Variants in ZNF487 observed in about 807,000 individuals in gnomAD.
ZNF487 encodes the protein zinc finger protein 487, also known as KRAB domain only 1.
In ZNF487, 4 loss-of-function variants were observed where a neutral mutation model predicts 3.0. The ratio of observed to expected loss-of-function variants is 1.35; its 90% CI spans 0.66 to 3.08. The LOEUF (loss-of-function observed/expected upper bound fraction) is 3.08. Among genes scored for constraint, ZNF487 ranks in the 30% most tolerant of loss-of-function variants. The pLI, the probability that ZNF487 is intolerant of heterozygous loss-of-function variation, is 0.01. For synonymous variants in ZNF487, 55 were observed against 34.6 expected (o/e 1.59, Z -2.06); for missense variants, 146 against 98.7 (o/e 1.48, Z -2.03).
chr10:43,465,811 C>T (rs946025940), intron 1 of ZNF487, among the ~76,000 whole-genome samples: 3 of 152,334 alleles, frequency 2.0e-5, no homozygotes, highest in Non-Finnish European at 2.9e-5. Context: ...GCTGCAATCT[C>T]GGCACTTTGG....
chr10:43,491,552 T>C, the ZNF487 span, among the ~76,000 whole-genome samples: 3 of 151,632 alleles, frequency 2.0e-5, 1 homozygote, highest in African/African-American at 7.3e-5. Context: ...TGAAGATCCC[T>C]GCCTGCCCGT....
intron 1 of ZNF487, chr10:43,457,995 C>CTGGG (rs1254214701): frequency 6.6e-6 from 1 of 152,084 alleles, no homozygotes; most frequent in Admixed American, 6.6e-5. Flanking sequence ...GCACTCCAGC[C>CTGGG]TGGGTAACAG....
the ZNF487 span, among the ~76,000 whole-genome samples, chr10:43,505,236 A>G: frequency 6.6e-6 from 1 of 151,570 alleles, no homozygotes; most frequent in Non-Finnish European, 1.5e-5. Flanking sequence ...GTATACAAAA[A>G]TTTTTCTCCT....
At position 43,462,213 on chromosome 10, in the gene ZNF487, C is replaced by T. The variant is rs899192187; in HGVS notation, c.-93-13508C>T. Among the ~76,000 whole-genome samples, 28 of 149,224 alleles carry T rather than the reference C, an allele frequency of 1.9e-4. No individual in the cohort carries two copies. The South Asian group carries it at 4.9e-3, about 26-fold the overall frequency. On this transcript the variant is annotated intron_variant, in intron 1 of 3. Transcript: ENST00000437590. ...TTGCCCAGGCTGGAGTGCAGTGGCA[C>T]GACCCCAGATTACTGCAACCTCTGC... is the stretch of plus-strand genomic sequence containing the variant.
chr10:43,456,230 A>G (rs572283664), intron 1 of ZNF487, among the ~76,000 whole-genome samples: 54 of 152,320 alleles, frequency 3.5e-4, no homozygotes, highest in African/African-American at 1.3e-3. Flanking sequence ...GTAAGCCCCA[A>G]ATAAAATGAT....
chr10:43,456,793 C>A (rs1170906763), intron 1 of ZNF487, among the ~76,000 whole-genome samples: 1 of 152,084 alleles, frequency 6.6e-6, no homozygotes, highest in Non-Finnish European at 1.5e-5. Flanking sequence ...GTTGGCCAGG[C>A]TGGTCTTGAA....
At chr10:43,516,918 T>C in the ZNF487 span, among the ~76,000 whole-genome samples, 315 of 152,308 alleles carry the variant, frequency 2.1e-3, 1 homozygote, top group Admixed American at 2.5e-3. Flanking sequence ...TTCAACAGCC[T>C]CTAGGCTGTA....
Position 43,481,667 on chromosome 10 carries a change from TG to T in ZNF487, c.370del (p.Val124Ter). 1 of 690,326 alleles carries T rather than the reference TG, an allele frequency of 1.4e-6. No individual in the cohort carries two copies. The highest frequency in any genetic ancestry group is 2.3e-5 in the Admixed American group (1 of 44,042). 42.8% of individuals were successfully genotyped at this position (690,326 alleles called of 1,614,324 possible). ...TAATTATTAGTAATAGAAGCTCCTT[TG>T]TAAGGAACCCTGCTGAGTGTAATGT... The part of the protein sequence containing the change: ...ELIISNRSSF[V>X]RNPAECNVRG... On this transcript the variant is annotated frameshift_variant, in exon 4 of 4. Transcript: ENST00000437590. LOFTEE classifies it low-confidence loss of function (END_TRUNC).
In ZNF487 at chr10:43,457,088, A is replaced by G. The variant is rs143042605; in HGVS notation, c.-93-18633A>G. Among the ~76,000 whole-genome samples the G allele has an allele frequency of 1.2e-3, 189 of 152,236 alleles. 1 individual carries two copies. Among genetic ancestry groups the G allele is most frequent in the African/African-American group, 4.4e-3 (184 of 41,546 alleles). On this transcript the variant is annotated intron_variant, in intron 1 of 3. Coordinates refer to ENST00000437590, the MANE Select transcript of ZNF487 (RefSeq NM_001355444.3). ...CTGCCTGACATGAAAGATGAAAACCACTGAACTCCAGAGGGGTGAATGTCC... is the reference window on the plus strand; with the variant it reads ...CTGCCTGACATGAAAGATGAAAACCGCTGAACTCCAGAGGGGTGAATGTCC...
the ZNF487 span, among the ~76,000 whole-genome samples, chr10:43,493,680 C>T: frequency 1.5e-4 from 15 of 98,414 alleles, no homozygotes; most frequent in African/African-American, 5.3e-4. Flanking sequence ...AGAGCAAGAC[C>T]CTTCCTCAAA....
downstream of ZNF487, among the ~76,000 whole-genome samples, chr10:43,487,929 C>CAAAAA (rs76705594): frequency 5.9e-4 from 24 of 40,444 alleles, 1 homozygote; most frequent in African/African-American, 2.1e-3. Flanking sequence ...TACCAAAATA[C>CAAAAA]AAAAAAAAAA....
the ZNF487 span, among the ~76,000 whole-genome samples, chr10:43,489,870 C>T: frequency 6.6e-6 from 1 of 151,958 alleles, no homozygotes; most frequent in Non-Finnish European, 1.5e-5. Context: ...ACAGCTGGAA[C>T]AAGAAGAAAA....
intron 1 of ZNF487, among the ~76,000 whole-genome samples, chr10:43,444,800 T>G (rs1839740209): frequency 6.6e-6 from 1 of 152,120 alleles, no homozygotes; most frequent in Non-Finnish European, 1.5e-5. Context: ...ACTCCAGAGC[T>G]GAAGTGATCC....
At chr10:43,442,290 ACT>A (rs1387801191) in intron 1 of ZNF487, among the ~76,000 whole-genome samples, 3 of 151,818 alleles carry the variant, frequency 2.0e-5, no homozygotes, top group Non-Finnish European at 4.4e-5. Context: ...AAAGAAAAAA[ACT>A]CTTGCTGTGA....
the ZNF487 span, among the ~76,000 whole-genome samples, chr10:43,493,046 C>T: frequency 1.3e-5 from 2 of 151,924 alleles, no homozygotes; most frequent in Non-Finnish European, 2.9e-5. Flanking sequence ...GCCTGACCAA[C>T]ATGGAGAAAC....
chr10:43,488,649 C>T, the ZNF487 span, among the ~76,000 whole-genome samples: 1 of 152,138 alleles, frequency 6.6e-6, no homozygotes, highest in Non-Finnish European at 1.5e-5. Context: ...GAGGATTATA[C>T]CAACGAATAA....
At chr10:43,480,035 CTTTCTTTCTT>C (rs1841284360) in intron 3 of ZNF487, among the ~76,000 whole-genome samples, 2 of 84,880 alleles carry the variant, frequency 2.4e-5, no homozygotes, top group African/African-American at 3.5e-5. Flanking sequence ...TTCTTTCTTT[CTTTCTTTCTT>C]TTTCTTTCTT....
At chr10:43,469,972 A>G (rs1840846691) in intron 1 of ZNF487, among the ~76,000 whole-genome samples, 1 of 152,092 alleles carries the variant, frequency 6.6e-6, no homozygotes, top group Non-Finnish European at 1.5e-5. Context: ...AAATTAGGAT[A>G]TGTACATTGG....
chr10:43,519,778 C>CT, the ZNF487 span, among the ~76,000 whole-genome samples: 2 of 152,080 alleles, frequency 1.3e-5, no homozygotes, highest in African/African-American at 2.4e-5. Context: ...AATGTTAGTT[C>CT]TTTAACAAGC....
Sources: allele counts gnomAD v4.1 joint callset (sites outside exome capture counted in the v4.1 genomes callset), GRCh38; gene constraint gnomAD v4.1.1; transcripts MANE v1.5; gene names NCBI Gene and HGNC (gene_info 2026-07-23, HGNC 2026-07-21).